The following LMO7 variants were observed in gnomAD, a reference collection of about 807,000 sequenced individuals.
The protein encoded by LMO7 is LIM domain 7.
In LMO7, 120 loss-of-function variants were observed where a neutral mutation model predicts 206.5. The observed-to-expected ratio is 0.58, with a 90% CI of 0.50 to 0.68. The LOEUF is 0.68. Among genes scored for constraint, LMO7 ranks in the 30% least tolerant of loss-of-function variants. The pLI is 0.00. For synonymous variants in LMO7, 706 were observed against 681.5 expected (o/e 1.04, Z -0.56); for missense variants, 1,959 against 1,957.9 (o/e 1.00, Z -0.01).
intron 3 of LMO7, among the ~76,000 whole-genome samples, chr13:75,733,438 G>T (rs1020392201): frequency 6.6e-6 from 1 of 152,214 alleles, no homozygotes; most frequent in African/African-American, 2.4e-5. Context: ...GCCAGGTGTG[G>T]GATATAATCT....
intron 17 of LMO7, among the ~76,000 whole-genome samples, chr13:75,834,852 A>C (rs953972809): frequency 6.6e-6 from 1 of 152,184 alleles, no homozygotes; most frequent in African/African-American, 2.4e-5. Context: ...TAGATGGGAA[A>C]AGGCATTAAG....
At chr13:75,806,264 G>A (rs889419276) in intron 9 of LMO7, 2 of 988,866 alleles carry the variant, frequency 2.0e-6, no homozygotes, top group Admixed American at 5.9e-5. Flanking sequence ...GAGCCCAGGT[G>A]CCCCTGTCTG....
intron 3 of LMO7, among the ~76,000 whole-genome samples, chr13:75,737,529 G>A (rs1255186543): frequency 5.4e-5 from 8 of 149,124 alleles, no homozygotes; most frequent in Admixed American, 1.3e-4. Flanking sequence ...CGAGGCGGGC[G>A]GATCACGAGG....
intron 4 of LMO7, among the ~76,000 whole-genome samples, chr13:75,777,739 G>T (rs1349314407): frequency 6.9e-6 from 1 of 145,842 alleles, no homozygotes; most frequent in Middle Eastern, 3.6e-3. Context: ...TCCGCCTCCC[G>T]GGTTCATGCC....
Position 75,817,157 on chromosome 13 carries a change from G to A in LMO7, c.1947-4G>A, listed in dbSNP as rs771481547. ...CGTAGTAACCATGAGTCTTTTTGTT[G>A]TAGGAGTAAGTCCATGAGTGATGTC... On this transcript the variant is annotated splice_polypyrimidine_tract_variant and splice_region_variant and intron_variant, in intron 11 of 30. Transcript: ENST00000377534. 6.2e-7 allele frequency: 1 copy of A among 1,605,420 alleles called. No individual in the cohort carries two copies. The highest frequency in any genetic ancestry group is 8.5e-7 in the Non-Finnish European group (1 of 1,172,814).
intron 3 of LMO7, among the ~76,000 whole-genome samples, chr13:75,746,778 G>A (rs1241009548): frequency 6.6e-6 from 1 of 151,736 alleles, no homozygotes; most frequent in East Asian, 1.9e-4. Flanking sequence ...TTTAATTCCT[G>A]CAAGGTACCT....
At chr13:75,742,930 A>G (rs1325720982) in intron 3 of LMO7, among the ~76,000 whole-genome samples, 1 of 152,234 alleles carries the variant, frequency 6.6e-6, no homozygotes, top group African/African-American at 2.4e-5. Context: ...AACAGAGTAA[A>G]CAGACAACCT....
chr13:75,844,029 A>G (rs934177187), intron 25 of LMO7, among the ~76,000 whole-genome samples: 1 of 152,202 alleles, frequency 6.6e-6, no homozygotes, highest in Non-Finnish European at 1.5e-5. Context: ...ATCTCCTTTT[A>G]AAAGTTATGG....
chr13:75,841,641 T>C lies in LMO7; in HGVS notation c.3689T>C (p.Leu1230Pro). ...CTGGTCACCTAGGAACTGATGGTCC[T>C]AAGCTCAAACAGCATGTCTCTGACC... ...SKYLDEELMVLSSNSMSLTTR... is the reference protein window; with the variant it reads ...SKYLDEELMVPSSNSMSLTTR... Residue 1230 changes from leucine (L) to proline (P), a missense_variant, in exon 24 of 31, where the codon CTA becomes CCA. By Grantham distance (98) the Leu-to-Pro change is moderately conservative. Transcript: ENST00000377534. 1 of 1,611,712 alleles carries C rather than the reference T, an allele frequency of 6.2e-7. No homozygotes were observed. Among genetic ancestry groups the C allele is most frequent in the Non-Finnish European group, 8.5e-7 (1 of 1,178,872 alleles).
intron 1 of LMO7, among the ~76,000 whole-genome samples, chr13:75,698,286 A>C (rs1198026812): frequency 2.0e-5 from 3 of 151,890 alleles, no homozygotes; most frequent in Non-Finnish European, 4.4e-5. Flanking sequence ...ATATAAATAC[A>C]TATATGTAAT....
intron 1 of LMO7, among the ~76,000 whole-genome samples, chr13:75,668,253 C>T (rs1178677064): frequency 6.6e-6 from 1 of 152,118 alleles, no homozygotes; most frequent in Non-Finnish European, 1.5e-5. Flanking sequence ...AGTTAATTTA[C>T]CTGGACTCAA....
chr13:75,737,703 A>C (rs1218120156), intron 3 of LMO7, among the ~76,000 whole-genome samples: 2 of 126,598 alleles, frequency 1.6e-5, no homozygotes, highest in African/African-American at 6.1e-5. Context: ...CAGTGAGCCG[A>C]GATCGCGCCA....
At chr13:75,727,384 A>T (rs1047098803) in intron 3 of LMO7, among the ~76,000 whole-genome samples, 4 of 151,980 alleles carry the variant, frequency 2.6e-5, no homozygotes, top group Admixed American at 2.0e-4. Flanking sequence ...TTTAGTGGTT[A>T]CTAATTTCTA....
Position 75,808,083 on chromosome 13 carries a change from T to C in LMO7, c.1800T>C (p.Thr600=), listed in dbSNP as rs551192876. The C allele has an allele frequency of 6.2e-6, 10 of 1,613,968 alleles. No homozygotes were observed. The East Asian group carries it at 2.2e-4, about 36-fold the overall frequency. ...TRKIQSWKLG[T]TVPPISFTPG... is the part of the protein sequence containing the mutation. ...AGATTCAGTCCTGGAAACTGGGAAC[T>C]ACCGTGCCTCCCATCAGTTTCACCC... The change falls in exon 10 of 31, where the codon ACT becomes ACC. Residue 600 remains threonine (T), a synonymous_variant. Transcript: ENST00000377534.
At chr13:75,850,115 G>A (rs2060366070) in intron 27 of LMO7, among the ~76,000 whole-genome samples, 1 of 151,914 alleles carries the variant, frequency 6.6e-6, no homozygotes, top group African/African-American at 2.4e-5. Context: ...AAGAGACTCT[G>A]TATAAAAAAA....
At chr13:75,653,883 G>A (rs1265585250) in intron 1 of LMO7, among the ~76,000 whole-genome samples, 1 of 152,076 alleles carries the variant, frequency 6.6e-6, no homozygotes, top group African/African-American at 2.4e-5. Context: ...TATAAACTTA[G>A]GTAAGTTTGT....
At chr13:75,651,844 C>T (rs1025601546) in intron 1 of LMO7, among the ~76,000 whole-genome samples, 2 of 152,020 alleles carry the variant, frequency 1.3e-5, no homozygotes, top group African/African-American at 2.4e-5. Flanking sequence ...GTTCAAGACC[C>T]TTATGGAAGT....
chr13:75,687,852 T>G (rs1482007222), intron 1 of LMO7, among the ~76,000 whole-genome samples: 3 of 152,200 alleles, frequency 2.0e-5, no homozygotes, highest in African/African-American at 7.2e-5. Flanking sequence ...GATATTGTTT[T>G]GCTGTGTCCC....
At chr13:75,844,444 C>T (rs745334995) in intron 25 of LMO7, among the ~76,000 whole-genome samples, 53 of 150,070 alleles carry the variant, frequency 3.5e-4, no homozygotes, top group Non-Finnish European at 6.3e-4. Context: ...TAGTCTCGCT[C>T]TGTCGCCCAG....
Sources: allele counts gnomAD v4.1 joint callset (sites outside exome capture counted in the v4.1 genomes callset), GRCh38; gene constraint gnomAD v4.1.1; transcripts MANE v1.5; gene names NCBI Gene and HGNC (gene_info 2026-07-23, HGNC 2026-07-21).